Variants in PLXNB2 observed in about 807,000 individuals in gnomAD.
PLXNB2 encodes the protein plexin-B2.
A neutral mutation model predicts 202.6 loss-of-function variants in PLXNB2; 85 were observed. That is an observed-to-expected ratio of 0.42 (90% CI 0.35 to 0.50). The LOEUF (loss-of-function observed/expected upper bound fraction) is 0.50, where lower values mean the gene tolerates loss of function less well. Among genes scored for constraint, PLXNB2 ranks in the 20% least tolerant of loss-of-function variants. PLXNB2 has a pLI of 0.02. For missense variants in PLXNB2, 2,063 were observed against 2,586.2 expected (o/e 0.80, Z 4.39); for synonymous variants, 1,239 against 1,137.6 (o/e 1.09, Z -1.79).
intron 35 of PLXNB2, among the ~76,000 whole-genome samples, chr22:50,276,402 G>GTGGATGGAGTGA (rs374729737): frequency 3.6e-4 from 4 of 10,972 alleles, no homozygotes; most frequent in African/African-American, 7.6e-4. Context: ...GGGTGCAGCC[G>GTGGATGGAGTGA]CAGGGAGGGG....
chr22:50,291,784 G>A lies in PLXNB2; in HGVS notation c.-13-1187C>T, dbSNP rs1382229915. Among the ~76,000 whole-genome samples, 1 of 152,018 alleles carries A rather than the reference G, an allele frequency of 6.6e-6. No individual in the cohort carries two copies. Among genetic ancestry groups the A allele is most frequent in the Non-Finnish European group, 1.5e-5 (1 of 67,968 alleles). On this transcript the variant is annotated intron_variant, in intron 2 of 36. Coordinates refer to ENST00000359337, the MANE Select transcript of PLXNB2 (RefSeq NM_012401.4). This position sits in a 1 kb window ranked among gnomAD's most constrained non-coding sequence, Gnocchi z 4.3. ...TGCTCACAACCACCCCCACTCCTGGGCCCACCATCATCTTCCCTGAGTGCA... is the reference window on the plus strand; with the variant it reads ...TGCTCACAACCACCCCCACTCCTGGACCCACCATCATCTTCCCTGAGTGCA...
Position 50,281,917 on chromosome 22 carries a change from G to T in PLXNB2, c.3282C>A (p.Asp1094Glu), listed in dbSNP as rs372865746. 3 of 1,613,020 alleles carry T rather than the reference G, an allele frequency of 1.9e-6. No homozygotes were observed. Among genetic ancestry groups the T allele is most frequent in the Non-Finnish European group, 2.5e-6 (3 of 1,180,014 alleles). Residue 1094 changes from aspartate (D) to glutamate (E), a missense_variant, in exon 20 of 37, where the codon GAC becomes GAA. This residue lies in a region of PLXNB2 where 760 missense variants were observed against 1,109.4 expected (regional missense o/e 0.69). Coordinates refer to ENST00000359337, the MANE Select transcript of PLXNB2 (RefSeq NM_012401.4). The part of the protein sequence containing the change: ...TEAGAFEYVP[D>E]PTFENFTGGV... ...CACCTGTGAAGTTCTCAAAGGTGGG[G>T]TCAGGCACGTACTCGAAGGCCCCGG...
Position 50,288,644 on chromosome 22 carries a change from C to G in PLXNB2, c.1380+99G>C. 1 of 1,514,204 alleles carries G rather than the reference C, an allele frequency of 6.6e-7. No individual in the cohort carries two copies. The allele number at this position is 1,514,204 out of a possible 1,614,324, so 93.8% of individuals were successfully genotyped here. A position where few individuals can be genotyped will look rare whatever the true frequency, so the allele number is the denominator to read the frequency against. The stretch of plus-strand genomic sequence containing the variant: ...GGAGAAGGGCCCAGCTCTGCAGCAC[C>G]CCATCCTCCTCTGGCCCCCAGGCCT... On this transcript the variant is annotated intron_variant, in intron 5 of 36. Transcript: ENST00000359337. This position sits in a 1 kb window ranked among gnomAD's most constrained non-coding sequence, Gnocchi z 5.0.
chr22:50,295,306 CAAAA>C (rs760999233), intron 1 of PLXNB2, among the ~76,000 whole-genome samples: 2 of 84,754 alleles, frequency 2.4e-5, no homozygotes, highest in South Asian at 4.4e-4. Context: ...GACTTCGTCT[CAAAA>C]AAAAAAAAAA....
chr22:50,289,879 C>G lies in PLXNB2; in HGVS notation c.706G>C (p.Asp236His), dbSNP rs778877074. ...GTGCGGTTCCGGGCCGGGTGCTTGT[C>G]CTGCTGGTTGAAGACAAAGAAGACG... The part of the protein sequence containing the change: ...PYVFFVFNQQ[D>H]KHPARNRTLL... The change falls in exon 3 of 37, where the codon GAC (aspartate) becomes CAC (histidine). Residue 236 changes from aspartate (D) to histidine (H), a missense_variant. Asp to His is a moderately conservative substitution (Grantham distance 81, BLOSUM62 -1). Around this residue, in one of 2 missense-constraint regions of PLXNB2, gnomAD observed 1,303 missense variants for 1,476.8 expected, o/e 0.88. Transcript: ENST00000359337. This position sits in a 1 kb window ranked among gnomAD's most constrained non-coding sequence, Gnocchi z 8.0. 1 of 1,613,242 alleles carries G rather than the reference C, an allele frequency of 6.2e-7. No individual in the cohort carries two copies. The highest frequency in any genetic ancestry group is 8.5e-7 in the Non-Finnish European group (1 of 1,180,026).
At chr22:50,302,740 C>T (rs892196001) in intron 1 of PLXNB2, among the ~76,000 whole-genome samples, 1 of 152,164 alleles carries the variant, frequency 6.6e-6, no homozygotes, top group South Asian at 2.1e-4. Flanking sequence ...TGGAGCACCT[C>T]CCTCCCACCA....
At chr22:50,304,947 C>T (rs753181746) in intron 1 of PLXNB2, among the ~76,000 whole-genome samples, 8 of 152,200 alleles carry the variant, frequency 5.3e-5, no homozygotes, top group Non-Finnish European at 1.2e-4. Flanking sequence ...CAAGAGGTTC[C>T]CCGCCAACTT....
Position 50,280,599 on chromosome 22 carries a change from C to G in PLXNB2, c.4065G>C (p.Thr1355=). Residue 1355 remains threonine (T), a synonymous_variant, in exon 25 of 37, where the codon ACG becomes ACC. Transcript: ENST00000359337. The part of the protein sequence containing the change: ...RAKVYFASLL[T]VALHGKLEYY... ...ACTCCAGTTTCCCGTGCAGCGCCAC[C>G]GTCAGCAGGGACGCGAAGTAGACCT... The G allele has an allele frequency of 1.2e-6, 2 of 1,612,688 alleles. No homozygotes were observed. The highest frequency in any genetic ancestry group is 1.1e-5 in the South Asian group (1 of 91,082).
Position 50,283,914 on chromosome 22 carries a change from C to T in PLXNB2, c.2340G>A (p.Ala780=), listed in dbSNP as rs372878960. The T allele has an allele frequency of 3.1e-5, 49 of 1,579,330 alleles. No individual in the cohort carries two copies. The African/African-American group carries it at 3.2e-4, about 10-fold the overall frequency. ...CGCACCTGCTCTGGCCCCCGCACCA[C>T]GCACACCTGTAGTCGGGGTTAGCGG... is the stretch of plus-strand genomic sequence containing the variant. ...CRAANPDYRC[A]WCGGQSRCVY... The change falls in exon 14 of 37, where the codon GCG becomes GCA. Residue 780 remains alanine (A), a synonymous_variant. Transcript: ENST00000359337.
In PLXNB2 at chr22:50,278,476, G is replaced by C. The variant is rs2065767058; in HGVS notation, c.4691C>G (p.Ser1564Cys). 6.4e-7 allele frequency: 1 copy of C among 1,560,962 alleles called. No individual in the cohort carries two copies. The highest frequency in any genetic ancestry group is 8.7e-7 in the Non-Finnish European group (1 of 1,152,938). Residue 1564 changes from serine (S) to cysteine (C), a missense_variant, in exon 30 of 37, where the codon TCC becomes TGC. Coordinates refer to ENST00000359337, the MANE Select transcript of PLXNB2 (RefSeq NM_012401.4). The part of the protein sequence containing the change: ...ATLILSKVGV[S>C]QQPEDSQQDL... The stretch of plus-strand genomic sequence containing the variant: ...CTGCTGGCTGTCCTCCGGCTGCTGG[G>C]AGACCCCCACCTTGGACAGGATGAG...
chr22:50,282,013 C>T lies in PLXNB2; in HGVS notation c.3186G>A (p.Glu1062=). The change falls in exon 20 of 37, where the codon GAG becomes GAA. Residue 1062 remains glutamate (E), a synonymous_variant. Transcript: ENST00000359337. ...KVVFLSPAVP[E]EPEAYNLTVL... ...CCGTGAGGTTGTAGGCCTCTGGCTC[C>T]TCAGGCACAGCCGGGGACAGGAAGA... The T allele has an allele frequency of 1.2e-6, 2 of 1,612,876 alleles. No individual in the cohort carries two copies. Among genetic ancestry groups the T allele is most frequent in the Admixed American group, 1.7e-5 (1 of 59,974 alleles).
chr22:50,281,109 C>T lies in PLXNB2; in HGVS notation c.3743G>A (p.Arg1248His), dbSNP rs1332220132. 3.1e-6 allele frequency: 5 copies of T among 1,612,980 alleles called. No homozygotes were observed. Among genetic ancestry groups the T allele is most frequent in the Non-Finnish European group, 2.5e-6 (3 of 1,179,662 alleles). The change falls in exon 23 of 37, where the codon CGC (arginine) becomes CAC (histidine). Residue 1248 changes from arginine (R) to histidine (H), a missense_variant. This residue lies in a region of PLXNB2 where 760 missense variants were observed against 1,109.4 expected (regional missense o/e 0.69). Coordinates refer to ENST00000359337, the MANE Select transcript of PLXNB2 (RefSeq NM_012401.4). ...LEGLEESVRD[R>H]CKKEFTDLMI... ...CCTACCTGTGAATTCCTTCTTGCAG[C>T]GGTCCCGCACGCTCTCCTCCAGGCC...
chr22:50,283,579 C>T (rs373676248), intron 15 of PLXNB2, 23 bp downstream of exon 15: 184 of 1,611,286 alleles, frequency 1.1e-4, no homozygotes, highest in Non-Finnish European at 1.3e-4. Context: ...CTGACAGGGC[C>T]CAGACCAGGG....
rs1470674821 is a variant in PLXNB2, at chr22:50,285,305, C to T, written c.2088+495G>A. On this transcript the variant is annotated intron_variant, in intron 11 of 36. Transcript: ENST00000359337. ...CACCAACCGGCACCCCCTCCCTCCGCACCTGAGCCTGCCTGTCACCGGCCG... is the reference window on the plus strand; with the variant it reads ...CACCAACCGGCACCCCCTCCCTCCGTACCTGAGCCTGCCTGTCACCGGCCG... 1.7e-4 allele frequency among the ~76,000 whole-genome samples: 12 copies of T among 70,716 alleles called. No homozygotes were observed. The East Asian group carries it at 2.7e-3, about 16-fold the overall frequency. 46.4% of individuals were successfully genotyped at this position (70,716 alleles called of 152,430 possible). A position where few individuals can be genotyped will look rare whatever the true frequency, so the allele number is the denominator to read the frequency against.
Position 50,288,661 on chromosome 22 carries a change from C to T in PLXNB2, c.1380+82G>A, listed in dbSNP as rs1319891761. On this transcript the variant is annotated intron_variant, in intron 5 of 36. Coordinates refer to ENST00000359337, the MANE Select transcript of PLXNB2 (RefSeq NM_012401.4). This position sits in a 1 kb window ranked among gnomAD's most constrained non-coding sequence, Gnocchi z 5.0. ...TGCAGCACCCCATCCTCCTCTGGCC[C>T]CCAGGCCTGTCCTAAGGGCCTGGGA... is the stretch of plus-strand genomic sequence containing the variant. 3 of 1,565,328 alleles carry T rather than the reference C, an allele frequency of 1.9e-6. No homozygotes were observed. In the African/African-American group the frequency reaches 4.0e-5, roughly 21 times the overall value.
Position 50,283,082 on chromosome 22 carries a change from C to T in PLXNB2, c.2784G>A (p.Val928=), listed in dbSNP as rs1486650537. 6.2e-7 allele frequency: 1 copy of T among 1,609,684 alleles called. No individual in the cohort carries two copies. Among genetic ancestry groups the T allele is most frequent in the Non-Finnish European group, 8.5e-7 (1 of 1,178,654 alleles). ...THLDTGSQED[V]RVTLNGVPCK... ...ACGGGACGCCGTTGAGGGTCACCCG[C>T]ACGTCCTCCTGGGAGCCCGTGTCCA... The change falls in exon 17 of 37, where the codon GTG becomes GTA. Residue 928 remains valine, a synonymous_variant. Coordinates refer to ENST00000359337, the MANE Select transcript of PLXNB2 (RefSeq NM_012401.4).
intron 28 of PLXNB2, 29 bp from the exon 29 acceptor site, chr22:50,278,725 C>T: frequency 1.3e-6 from 2 of 1,594,280 alleles, no homozygotes; most frequent in South Asian, 1.1e-5. Flanking sequence ...CAGCTTGGGC[C>T]CCAGCCACCC....
Position 50,275,326 on chromosome 22 carries a change from C to T in PLXNB2, c.*378G>A, listed in dbSNP as rs1464762738. ...ACTTGCCCTGGGGGCCACAGGCCCTCAGATCCCCCAGGGGCCCAACCTAGG... is the reference window on the plus strand; with the variant it reads ...ACTTGCCCTGGGGGCCACAGGCCCTTAGATCCCCCAGGGGCCCAACCTAGG... On this transcript the variant is annotated 3_prime_UTR_variant, in exon 37 of 37. Coordinates refer to ENST00000359337, the MANE Select transcript of PLXNB2 (RefSeq NM_012401.4). The T allele has an allele frequency of 2.2e-6, 1 of 450,352 alleles. No individual in the cohort carries two copies. The highest frequency in any genetic ancestry group is 4.4e-6 in the Non-Finnish European group (1 of 226,350). 27.9% of individuals were successfully genotyped at this position (450,352 alleles called of 1,614,324 possible).
intron 35 of PLXNB2, among the ~76,000 whole-genome samples, chr22:50,276,345 C>A (rs1232241364): frequency 9.2e-6 from 1 of 109,228 alleles, no homozygotes; most frequent in Non-Finnish European, 2.1e-5. Context: ...GCTGTGGGCA[C>A]GGCCGAGGGT....
Sources: gnomAD v4.1 joint callset for allele counts (sites outside exome capture counted in the v4.1 genomes callset) on GRCh38, gnomAD v4.1.1 for gene constraint, gnomAD v4.1.1 regional missense constraint, Gnocchi (gnomAD v3.1) non-coding constraint, MANE v1.5 for transcripts, NCBI Gene and HGNC (gene_info 2026-07-23, HGNC 2026-07-21) for gene names.